NNT: variants seen among roughly 807,000 people sequenced by gnomAD.
The protein encoded by NNT is NAD(P) transhydrogenase, mitochondrial.
Under a neutral mutation model 104.8 loss-of-function variants are expected in NNT, and 50 were observed. The observed-to-expected ratio is 0.48, with a 90% CI of 0.38 to 0.60. The LOEUF (loss-of-function observed/expected upper bound fraction) is 0.60, where lower values mean the gene tolerates loss of function less well. Among genes scored for constraint, NNT ranks in the 20% least tolerant of loss-of-function variants. NNT has a pLI of 0.00. For synonymous variants in NNT, 461 were observed against 490.4 expected (o/e 0.94, Z 0.79); for missense variants, 1,131 against 1,330.7 (o/e 0.85, Z 2.33).
At position 43,656,702 on chromosome 5, in the gene NNT, T is replaced by C; in HGVS notation, c.2343T>C (p.Asn781=). 3 of 1,614,166 alleles carry C rather than the reference T, an allele frequency of 1.9e-6. No individual in the cohort carries two copies. Among genetic ancestry groups the C allele is most frequent in the South Asian group, 1.1e-5 (1 of 91,084 alleles). Residue 781 remains asparagine, a synonymous_variant, in exon 16 of 22, where the codon AAT becomes AAC. Coordinates refer to ENST00000344920, the MANE Select transcript of NNT (RefSeq NM_182977.3). ...TACTGCCTGGAAGGCACTTACTCAA[T>C]GCAGGCTTACTGGCTGCTAGTGTGG... ...PLLLPGRHLL[N]AGLLAASVGG... is the part of the protein sequence containing the mutation.
intron 17 of NNT, among the ~76,000 whole-genome samples, chr5:43,660,979 G>C (rs1740324121): frequency 6.6e-6 from 1 of 152,052 alleles, no homozygotes; most frequent in Non-Finnish European, 1.5e-5. Context: ...TACAACTCAG[G>C]ATTTTTCTTA....
chr5:43,610,146 G>A (rs1439111758), intron 2 of NNT, among the ~76,000 whole-genome samples: 3 of 151,550 alleles, frequency 2.0e-5, no homozygotes, highest in Non-Finnish European at 2.9e-5. Flanking sequence ...TGGGGTACAG[G>A]CCAGAAGGAG....
At chr5:43,650,955 A>G (rs192244208) in intron 12 of NNT, among the ~76,000 whole-genome samples, 5 of 152,366 alleles carry the variant, frequency 3.3e-5, no homozygotes, top group African/African-American at 1.2e-4. Flanking sequence ...GTTACTGGAA[A>G]CTGAAAGCCT....
At chr5:43,605,559 T>C (rs1383111484) in intron 1 of NNT, among the ~76,000 whole-genome samples, 1 of 148,130 alleles carries the variant, frequency 6.8e-6, no homozygotes, top group East Asian at 2.0e-4. Context: ...AAAGTTGTGC[T>C]TTTTTCCCCT....
rs762641873 is a variant in NNT, at chr5:43,651,891, T to C, written c.1863+7T>C. 6.2e-7 allele frequency: 1 copy of C among 1,611,954 alleles called. No individual in the cohort carries two copies. Among genetic ancestry groups the C allele is most frequent in the South Asian group, 1.1e-5 (1 of 90,612 alleles). Reference sequence around the variant, plus strand: ...TGGTTATAACATTGAACAGGTAAGATGCTCTTTGTAAGTTTTTATATTTAC... The same window carrying C: ...TGGTTATAACATTGAACAGGTAAGACGCTCTTTGTAAGTTTTTATATTTAC... On this transcript the variant is annotated splice_region_variant and intron_variant, in intron 13 of 21. Transcript: ENST00000344920.
At chr5:43,659,706 G>A (rs1740255120) in intron 17 of NNT, among the ~76,000 whole-genome samples, 2 of 151,980 alleles carry the variant, frequency 1.3e-5, no homozygotes, top group Non-Finnish European at 2.9e-5. Flanking sequence ...CAGCCTGGGT[G>A]ACATAGCGAG....
intron 10 of NNT, among the ~76,000 whole-genome samples, chr5:43,647,650 G>T (rs1330315665): frequency 6.6e-6 from 1 of 152,108 alleles, no homozygotes; most frequent in Admixed American, 6.6e-5. Flanking sequence ...TAGAAATATA[G>T]TCTGACATAC....
At chr5:43,680,842 G>A (rs74657028) in intron 19 of NNT, among the ~76,000 whole-genome samples, 5,792 of 152,046 alleles carry the variant, frequency 0.038, 159 homozygotes, top group African/African-American at 0.07. Flanking sequence ...ACTTCTGCTT[G>A]ATGTCTAAAA....
chr5:43,667,768 C>T (rs143337263), intron 17 of NNT, among the ~76,000 whole-genome samples: 1,766 of 152,066 alleles, frequency 0.012, 20 homozygotes, highest in African/African-American at 0.04. Flanking sequence ...TTTATAATCC[C>T]GTGGGTATAT....
At chr5:43,664,071 G>C (rs1229728323) in intron 17 of NNT, among the ~76,000 whole-genome samples, 6 of 152,186 alleles carry the variant, frequency 3.9e-5, no homozygotes. Flanking sequence ...ACCCCAAGTG[G>C]CTAACCAGCA....
At chr5:43,700,487 GT>G (rs1362830958) in intron 20 of NNT, among the ~76,000 whole-genome samples, 1 of 152,198 alleles carries the variant, frequency 6.6e-6, no homozygotes, top group African/African-American at 2.4e-5. Flanking sequence ...ACCTTGGTGT[GT>G]AGTATAGAAA....
At chr5:43,689,147 C>A (rs1232767892) in intron 19 of NNT, among the ~76,000 whole-genome samples, 1 of 152,148 alleles carries the variant, frequency 6.6e-6, no homozygotes, top group Admixed American at 6.5e-5. Flanking sequence ...TGATATTGAG[C>A]ATTTTTCCAT....
chr5:43,659,344 G>C lies in NNT; in HGVS notation c.2628G>C (p.Met876Ile), dbSNP rs1265933558. Residue 876 changes from methionine to isoleucine, a missense_variant, in exon 17 of 22, where the codon ATG becomes ATC. By Grantham distance (10) the Met-to-Ile change is conservative. Transcript: ENST00000344920. ...GSSGAILSYIMCVAMNRSLAN... is the reference protein window; with the variant it reads ...GSSGAILSYIICVAMNRSLAN... Reference sequence around the variant, plus strand: ...CTGGTGCTATCCTGTCATACATCATGTGTGTGGTAAGAAACAACACATACA... The same window carrying C: ...CTGGTGCTATCCTGTCATACATCATCTGTGTGGTAAGAAACAACACATACA... 1.2e-6 allele frequency: 2 copies of C among 1,608,148 alleles called. No homozygotes were observed. Among genetic ancestry groups the C allele is most frequent in the African/African-American group, 2.7e-5 (2 of 74,624 alleles).
chr5:43,646,662 G>GT (rs887495544), intron 10 of NNT, among the ~76,000 whole-genome samples: 9 of 151,908 alleles, frequency 5.9e-5, no homozygotes, highest in African/African-American at 2.2e-4. Context: ...GTTTTTTTCT[G>GT]TTTTTTATTT....
At chr5:43,604,702 C>G (rs973598862) in intron 1 of NNT, among the ~76,000 whole-genome samples, 1 of 152,142 alleles carries the variant, frequency 6.6e-6, no homozygotes. Flanking sequence ...TTTCAAGTCT[C>G]GCTCTGTTGT....
chr5:43,611,566 A>C (rs1443130214), intron 2 of NNT, among the ~76,000 whole-genome samples: 2 of 152,172 alleles, frequency 1.3e-5, no homozygotes, highest in African/African-American at 4.8e-5. Context: ...TCCTTCCAGT[A>C]AGGAGTAAGA....
At position 43,609,220 on chromosome 5, in the gene NNT, G is replaced by T. The variant is rs1313669875; in HGVS notation, c.25G>T (p.Val9Leu). The T allele has an allele frequency of 6.2e-7, 1 of 1,613,848 alleles. No homozygotes were observed. Among genetic ancestry groups the T allele is most frequent in the Non-Finnish European group, 8.5e-7 (1 of 1,179,930 alleles). The change falls in exon 2 of 22, where the codon GTG becomes TTG. Residue 9 changes from valine to leucine, a missense_variant. Physicochemically the swap from Val to Leu is conservative, Grantham distance 32. Coordinates refer to ENST00000344920, the MANE Select transcript of NNT (RefSeq NM_182977.3). MANLLKTV[V>L]TGCSCPLLSN... The stretch of plus-strand genomic sequence containing the variant: ...CATGGCAAACCTATTGAAAACAGTG[G>T]TGACTGGCTGCTCGTGTCCTCTACT...
intron 19 of NNT, among the ~76,000 whole-genome samples, chr5:43,699,600 C>T (rs1018938309): frequency 9.9e-5 from 15 of 151,984 alleles, no homozygotes; most frequent in Non-Finnish European, 2.1e-4. Context: ...GTGATCTGCC[C>T]GTCTTGGCCT....
chr5:43,628,690 G>A (rs113099208), intron 7 of NNT, among the ~76,000 whole-genome samples: 1 of 152,128 alleles, frequency 6.6e-6, no homozygotes, highest in African/African-American at 2.4e-5. Flanking sequence ...GGGTTCAGGC[G>A]ATTCTTCTGC....
Sources: allele counts gnomAD v4.1 joint callset (sites outside exome capture counted in the v4.1 genomes callset), GRCh38; gene constraint gnomAD v4.1.1; transcripts MANE v1.5; gene names NCBI Gene and HGNC (gene_info 2026-07-23, HGNC 2026-07-21).